RALGAPB: variants seen among roughly 807,000 people sequenced by gnomAD.
RALGAPB encodes the protein ral GTPase-activating protein subunit beta.
Under a neutral mutation model 161.1 loss-of-function variants are expected in RALGAPB, and 25 were observed. The observed-to-expected ratio is 0.16, with a 90% CI of 0.11 to 0.22. The LOEUF (loss-of-function observed/expected upper bound fraction) is 0.22, where lower values mean the gene tolerates loss of function less well. Among genes scored for constraint, RALGAPB ranks in the 10% least tolerant of loss-of-function variants. RALGAPB has a pLI of 1.00. For synonymous variants in RALGAPB, 629 were observed against 626.1 expected, an observed-to-expected ratio of 1.00 and a Z score of -0.07; for missense variants, 1,391 against 1,815.2, an observed-to-expected ratio of 0.77 and a Z score of 4.25.
At chr20:38,531,291 A>G (rs1252637391) in intron 14 of RALGAPB, 60 bp downstream of exon 14, 1 of 1,372,758 alleles carries the variant, frequency 7.3e-7, no homozygotes, top group African/African-American at 1.4e-5. Flanking sequence ...TGTAAATTAT[A>G]TTCCAGAATG....
intron 1 of RALGAPB, among the ~76,000 whole-genome samples, chr20:38,475,657 C>T (rs2084781934): frequency 6.6e-6 from 1 of 151,076 alleles, no homozygotes. Flanking sequence ...CTCTGTCCCC[C>T]AGGCTGGAGT....
At position 38,532,086 on chromosome 20, in the gene RALGAPB, C is replaced by T. The variant is rs193301070; in HGVS notation, c.2116-644C>T. 7.7e-3 allele frequency among the ~76,000 whole-genome samples: 1,169 copies of T among 152,250 alleles called. 4 individuals carry two copies. The highest frequency in any genetic ancestry group is 0.014 in the Non-Finnish European group (967 of 68,020). ...TTGCTTTGGTTTTGAGACAGAGTCT[C>T]GCTCTGACTCCCAGGCTTGAGTGCA... On this transcript the variant is annotated intron_variant, in intron 14 of 29. Transcript: ENST00000262879.
intron 19 of RALGAPB, chr20:38,547,346 A>G (rs1328658665): frequency 1.3e-5 from 2 of 152,216 alleles, no homozygotes; most frequent in African/African-American, 4.8e-5. Flanking sequence ...ATCTGTGGGT[A>G]TAAAGTGACC....
At chr20:38,565,039 G>C (rs375150528) in intron 24 of RALGAPB, among the ~76,000 whole-genome samples, 1 of 151,514 alleles carries the variant, frequency 6.6e-6, no homozygotes, top group South Asian at 2.1e-4. Flanking sequence ...GACTGGGATG[G>C]TCTTCCTTTT....
In RALGAPB at chr20:38,567,316, C is replaced by G. The variant is rs951640418; in HGVS notation, c.3954+84C>G. 7.2e-6 allele frequency: 11 copies of G among 1,522,570 alleles called. No individual in the cohort carries two copies. In the Admixed American group the frequency reaches 1.7e-4, roughly 24 times the overall value. 94.3% of individuals were successfully genotyped at this position (1,522,570 alleles called of 1,614,324 possible). A position where few individuals can be genotyped will look rare whatever the true frequency, so the allele number is the denominator to read the frequency against. On this transcript the variant is annotated intron_variant, in intron 26 of 29. Transcript: ENST00000262879. ...AATCCTGCCTGAAAAGCTTTTAACC[C>G]AGAGAGTATTTATATCAGAGTACTG... is the stretch of plus-strand genomic sequence containing the variant.
Position 38,532,759 on chromosome 20 carries a change from T to C in RALGAPB, c.2145T>C (p.His715=), listed in dbSNP as rs780207794. Residue 715 remains histidine (H), a synonymous_variant, in exon 15 of 30, where the codon CAT becomes CAC. Transcript: ENST00000262879. ...MGGGENNLKS[H]SRTNSGISSA... ...GTGGAGAAAATAACCTGAAGAGTCATAGTCGCACCAATAGTGGTATTAGTT... is the reference window on the plus strand; with the variant it reads ...GTGGAGAAAATAACCTGAAGAGTCACAGTCGCACCAATAGTGGTATTAGTT... 193 of 1,613,904 alleles carry C rather than the reference T, an allele frequency of 1.2e-4. No homozygotes were observed. Among genetic ancestry groups the C allele is most frequent in the Non-Finnish European group, 2.5e-5 (30 of 1,179,892 alleles).
chr20:38,546,456 C>T, intron 19 of RALGAPB, 26 bp downstream of exon 19: 1 of 1,613,408 alleles, frequency 6.2e-7, no homozygotes, highest in Non-Finnish European at 8.5e-7. Flanking sequence ...TTTGAGCCTT[C>T]TCTACTGCTT....
intron 27 of RALGAPB, among the ~76,000 whole-genome samples, 182 bp downstream of exon 27, chr20:38,570,178 GTTAAATCCTGGTACTTTTT>G (rs1162369599): frequency 6.6e-6 from 1 of 152,168 alleles, no homozygotes; most frequent in East Asian, 1.9e-4. Context: ...TTACTCCTCT[GTTAAATCCTGGTACTTTTT>G]TCATAGTTGT....
chr20:38,549,563 TACACACACACACAC>T (rs1227027300), intron 20 of RALGAPB, among the ~76,000 whole-genome samples: 1 of 115,310 alleles, frequency 8.7e-6, no homozygotes, highest in African/African-American at 2.7e-5. Context: ...TATATATATA[TACACACACACACAC>T]ATACATATAC....
intron 25 of RALGAPB, among the ~76,000 whole-genome samples, 155 bp from the exon 26 acceptor site, chr20:38,566,941 T>C (rs2088022078): frequency 1.3e-5 from 2 of 152,214 alleles, no homozygotes; most frequent in Non-Finnish European, 2.9e-5. Flanking sequence ...ACTTAGTACT[T>C]GATCCTTTAC....
Position 38,486,706 on chromosome 20 carries a change from A to G in RALGAPB, c.-30-1697A>G, listed in dbSNP as rs899740552. 2.0e-5 allele frequency among the ~76,000 whole-genome samples: 3 copies of G among 152,304 alleles called. No homozygotes were observed. The South Asian group carries it at 6.2e-4, about 32-fold the overall frequency. Reference sequence around the variant, plus strand: ...CCTGAATATTAAATATTCATTTAGTATTTGGAAACCATCCAACTTTTATTT... The same window carrying G: ...CCTGAATATTAAATATTCATTTAGTGTTTGGAAACCATCCAACTTTTATTT... On this transcript the variant is annotated intron_variant, in intron 1 of 29. Transcript: ENST00000262879.
At chr20:38,502,264 T>C (rs1250336497) in intron 5 of RALGAPB, among the ~76,000 whole-genome samples, 1 of 152,178 alleles carries the variant, frequency 6.6e-6, no homozygotes, top group East Asian at 1.9e-4. Flanking sequence ...CAGTAAATAG[T>C]GTATCTCAGT....
chr20:38,541,333 TG>T (rs2086957544), intron 18 of RALGAPB, 141 bp downstream of exon 18: 1 of 914,710 alleles, frequency 1.1e-6, no homozygotes, highest in Non-Finnish European at 1.5e-6. Context: ...AGAAATAAAA[TG>T]GGAAGAAAAT....
chr20:38,515,122 A>G (rs887835748), intron 6 of RALGAPB, among the ~76,000 whole-genome samples: 1 of 152,218 alleles, frequency 6.6e-6, no homozygotes, highest in Non-Finnish European at 1.5e-5. Context: ...TAGTTGAACT[A>G]CAGCCCCCAG....
In RALGAPB at chr20:38,576,907, T is replaced by A. The variant is rs1042035451; in HGVS notation, c.*1940T>A. 1 of 152,656 alleles carries A rather than the reference T, an allele frequency of 6.6e-6. No homozygotes were observed. Among genetic ancestry groups the A allele is most frequent in the Non-Finnish European group, 1.5e-5 (1 of 68,028 alleles). 9.5% of individuals were successfully genotyped at this position (152,656 alleles called of 1,614,324 possible). On this transcript the variant is annotated 3_prime_UTR_variant, in exon 30 of 30. Transcript: ENST00000262879. ...GTGATTCTTCAGATCAAACTTTTACTTTTGGCATAGTTAATTTCAGAAAAA... is the reference window on the plus strand; with the variant it reads ...GTGATTCTTCAGATCAAACTTTTACATTTGGCATAGTTAATTTCAGAAAAA...
In RALGAPB at chr20:38,549,543, A is replaced by AT. The variant is rs1555882874; in HGVS notation, c.3009+748_3009+749insT. Among the ~76,000 whole-genome samples the AT allele has an allele frequency of 9.5e-4, 115 of 120,738 alleles. 2 individuals are homozygous for AT. Among genetic ancestry groups the AT allele is most frequent in the African/African-American group, 3.1e-3 (99 of 32,420 alleles). 79.2% of individuals were successfully genotyped at this position (120,738 alleles called of 152,430 possible). A position where few individuals can be genotyped will look rare whatever the true frequency, so the allele number is the denominator to read the frequency against. ...CACACCCAGCCTAATTAAAAAAAAA[A>AT]AAAAAAATATATATATATATACACA... On this transcript the variant is annotated intron_variant, in intron 20 of 29. Coordinates refer to ENST00000262879, the MANE Select transcript of RALGAPB (RefSeq NM_020336.4).
intron 9 of RALGAPB, among the ~76,000 whole-genome samples, chr20:38,518,713 A>G: frequency 6.6e-6 from 1 of 152,182 alleles, no homozygotes; most frequent in South Asian, 2.1e-4. Flanking sequence ...TATGTCTTAG[A>G]GAGCTGAAAA....
chr20:38,493,678 C>T (rs911060654), intron 3 of RALGAPB, among the ~76,000 whole-genome samples: 1 of 152,130 alleles, frequency 6.6e-6, no homozygotes, highest in African/African-American at 2.4e-5. Flanking sequence ...TGGTAAAGTT[C>T]TGGTTAGAGC....
intron 6 of RALGAPB, among the ~76,000 whole-genome samples, 172 bp downstream of exon 6, chr20:38,509,380 G>T (rs75348338): frequency 1.3e-5 from 2 of 152,118 alleles, no homozygotes; most frequent in African/African-American, 4.8e-5. Flanking sequence ...TGCTCTCCCC[G>T]TCCCAGCAGG....
Sources: allele counts gnomAD v4.1 joint callset (sites outside exome capture counted in the v4.1 genomes callset), GRCh38; gene constraint gnomAD v4.1.1; transcripts MANE v1.5; gene names NCBI Gene and HGNC (gene_info 2026-07-23, HGNC 2026-07-21).